CNTN1: variants seen among roughly 807,000 people sequenced by gnomAD.
CNTN1 encodes contactin 1.
CNTN1 carries 38 observed loss-of-function variants against 126.4 expected under a neutral mutation model. That is an observed-to-expected ratio of 0.30 (90% CI 0.23 to 0.39). The LOEUF is 0.39. Ranked by LOEUF, CNTN1 falls within the 10% of genes least tolerant of loss-of-function variation. CNTN1 has a pLI of 1.00. For synonymous variants in CNTN1, 413 were observed against 422.6 expected (o/e 0.98, Z 0.28); for missense variants, 1,009 against 1,248.4 (o/e 0.81, Z 2.89).
At chr12:40,816,589 A>C (rs1941262997) in intron 1 of CNTN1, among the ~76,000 whole-genome samples, 1 of 151,878 alleles carries the variant, frequency 6.6e-6, no homozygotes, top group African/African-American at 2.4e-5. Context: ...TTTTCAAAAA[A>C]ACATCCCCTG....
chr12:40,981,984 A>G (rs1947833142), intron 16 of CNTN1, among the ~76,000 whole-genome samples: 1 of 151,844 alleles, frequency 6.6e-6, no homozygotes, highest in Non-Finnish European at 1.5e-5. Flanking sequence ...CTTTCATTTT[A>G]GATTTATCTT....
chr12:41,008,777 C>T (rs1346570684), intron 17 of CNTN1, among the ~76,000 whole-genome samples: 1 of 152,138 alleles, frequency 6.6e-6, no homozygotes, highest in African/African-American at 2.4e-5. Context: ...AAACAACTAG[C>T]TATTTTCTTT....
chr12:41,018,868 A>C (rs1007331595), intron 19 of CNTN1, among the ~76,000 whole-genome samples: 3 of 152,152 alleles, frequency 2.0e-5, no homozygotes, highest in Non-Finnish European at 4.4e-5. Context: ...CAGAAATATG[A>C]TAACTTGGCT....
rs1275786793 is a variant in CNTN1, at chr12:40,947,259, A to C, written c.1683+3089A>C. 2.6e-5 allele frequency among the ~76,000 whole-genome samples: 4 copies of C among 152,192 alleles called. No homozygotes were observed. The East Asian group carries it at 7.7e-4, about 29-fold the overall frequency. ...TAATAATTGTCAGATGTTCCACTGG[A>C]ACTTGAACTCATGCATGGGGGATGT... On this transcript the variant is annotated intron_variant, in intron 14 of 23. Coordinates refer to ENST00000551295, the MANE Select transcript of CNTN1 (RefSeq NM_001843.4).
chr12:40,745,325 T>C (rs1215193503), intron 1 of CNTN1, among the ~76,000 whole-genome samples: 1 of 152,092 alleles, frequency 6.6e-6, no homozygotes, highest in South Asian at 2.1e-4. Context: ...CCCAAGGTGC[T>C]CGGCCCACAG....
chr12:40,970,172 T>C (rs972273865), intron 15 of CNTN1, among the ~76,000 whole-genome samples: 2 of 152,110 alleles, frequency 1.3e-5, no homozygotes, highest in Non-Finnish European at 2.9e-5. Context: ...CAGTGACTAA[T>C]TCAAGGAAAT....
At chr12:40,858,375 T>G (rs375351027) in intron 1 of CNTN1, among the ~76,000 whole-genome samples, 1 of 151,964 alleles carries the variant, frequency 6.6e-6, no homozygotes, top group East Asian at 1.9e-4. Flanking sequence ...TAATTAAGAT[T>G]AACAAACAAT....
chr12:40,772,536 A>C (rs1939383309), intron 1 of CNTN1, among the ~76,000 whole-genome samples: 1 of 152,018 alleles, frequency 6.6e-6, no homozygotes, highest in African/African-American at 2.4e-5. Flanking sequence ...CTTTATACCT[A>C]TACCTGTACA....
At chr12:40,819,054 C>T (rs922782577) in intron 1 of CNTN1, among the ~76,000 whole-genome samples, 3 of 152,178 alleles carry the variant, frequency 2.0e-5, no homozygotes, top group African/African-American at 7.2e-5. Flanking sequence ...TGGGTGCCTG[C>T]TCCTTCTTCT....
At chr12:40,782,101 C>A (rs371561777) in intron 1 of CNTN1, among the ~76,000 whole-genome samples, 193 of 151,904 alleles carry the variant, frequency 1.3e-3, no homozygotes, top group South Asian at 9.1e-3. Context: ...TTGAGTGAAA[C>A]CATCCCCTAT....
intron 19 of CNTN1, among the ~76,000 whole-genome samples, chr12:41,018,712 GTA>G (rs1555199967): frequency 2.0e-5 from 3 of 149,008 alleles, no homozygotes; most frequent in Admixed American, 2.0e-4. Flanking sequence ...GTGTGTGTGT[GTA>G]TGTGTATGTG....
chr12:40,992,086 A>C (rs278913), intron 16 of CNTN1, among the ~76,000 whole-genome samples: 102,712 of 152,104 alleles, frequency 0.68, 35,479 homozygotes, highest in African/African-American at 0.83. Flanking sequence ...TAAAGGGAAA[A>C]TTTTAATCAG....
chr12:41,002,282 T>A (rs1948380130), intron 17 of CNTN1, among the ~76,000 whole-genome samples: 1 of 151,476 alleles, frequency 6.6e-6, no homozygotes, highest in Non-Finnish European at 1.5e-5. Flanking sequence ...TGGAATGTTT[T>A]TCCATTTGTT....
intron 17 of CNTN1, among the ~76,000 whole-genome samples, chr12:40,998,669 TTA>T (rs1238680461): frequency 6.6e-6 from 1 of 152,110 alleles, no homozygotes; most frequent in Non-Finnish European, 1.5e-5. Context: ...CTCTTCAGAA[TTA>T]TATACTTAAG....
intron 6 of CNTN1, among the ~76,000 whole-genome samples, chr12:40,928,692 G>T (rs1339006176): frequency 6.6e-6 from 1 of 152,022 alleles, no homozygotes; most frequent in Non-Finnish European, 1.5e-5. Context: ...AAATTACATA[G>T]CTAAGCTAAA....
chr12:40,908,437 A>G lies in CNTN1; in HGVS notation c.5A>G (p.Lys2Arg), dbSNP rs1944912917. M[K>R]MWLLVSHLVI... Reference sequence around the variant, plus strand: ...CGAACTTCTACTGAATACAAGATGAAAATGTGGTTGCTGGTCAGTCATCTT... The same window carrying G: ...CGAACTTCTACTGAATACAAGATGAGAATGTGGTTGCTGGTCAGTCATCTT... Residue 2 changes from lysine (K) to arginine (R), a missense_variant, in exon 2 of 24, where the codon AAA (lysine) becomes AGA (arginine). Transcript: ENST00000551295. 1 of 1,612,848 alleles carries G rather than the reference A, an allele frequency of 6.2e-7. No individual in the cohort carries two copies. The highest frequency in any genetic ancestry group is 1.3e-5 in the African/African-American group (1 of 74,880).
intron 1 of CNTN1, among the ~76,000 whole-genome samples, chr12:40,758,944 G>T (rs917110278): frequency 1.9e-4 from 29 of 151,702 alleles, no homozygotes; most frequent in African/African-American, 6.3e-4. Context: ...CACTCTTGTT[G>T]CCCAGGCTGG....
chr12:40,966,394 G>A (rs1315243326), intron 15 of CNTN1, among the ~76,000 whole-genome samples: 2 of 152,072 alleles, frequency 1.3e-5, no homozygotes, highest in African/African-American at 4.8e-5. Flanking sequence ...TCCATTGATA[G>A]CAAAACCTGC....
chr12:40,950,106 G>A (rs1257275671), intron 14 of CNTN1, among the ~76,000 whole-genome samples: 1 of 20,636 alleles, frequency 4.8e-5, no homozygotes, highest in Admixed American at 6.1e-4. Flanking sequence ...GGGTGTGTGT[G>A]TGTGTGTGTG....
Sources: gnomAD v4.1 joint callset for allele counts (sites outside exome capture counted in the v4.1 genomes callset) on GRCh38, gnomAD v4.1.1 for gene constraint, MANE v1.5 for transcripts, NCBI Gene and HGNC (gene_info 2026-07-23, HGNC 2026-07-21) for gene names.